The following COL27A1 variants were observed in gnomAD, a reference collection of about 807,000 sequenced individuals.
COL27A1 encodes the protein collagen type XXVII alpha 1 chain.
A neutral mutation model predicts 251.3 loss-of-function variants in COL27A1; 106 were observed. The observed-to-expected ratio is 0.42, with a 90% CI of 0.36 to 0.50. The LOEUF is 0.50. Among genes scored for constraint, COL27A1 ranks in the 20% least tolerant of loss-of-function variants. The probability of loss-of-function intolerance (pLI) is 0.00; values close to 1 mark genes in which losing one functional copy is unlikely to be tolerated. For missense variants in COL27A1, 2,325 were observed against 2,522.8 expected, an observed-to-expected ratio of 0.92 and a Z score of 1.68; for synonymous variants, 1,000 against 986.3, an observed-to-expected ratio of 1.01 and a Z score of -0.26.
intron 3 of COL27A1, among the ~76,000 whole-genome samples, chr9:114,172,061 C>T (rs1009044974): frequency 1.4e-4 from 21 of 152,206 alleles, no homozygotes; most frequent in Admixed American, 2.6e-4. Flanking sequence ...CACCAACCTG[C>T]CCGGGTGACA....
At chr9:114,293,288 G>C (rs1828040064) in intron 49 of COL27A1, among the ~76,000 whole-genome samples, 1 of 152,136 alleles carries the variant, frequency 6.6e-6, no homozygotes, top group Non-Finnish European at 1.5e-5. Flanking sequence ...ATGTCTAAAT[G>C]ACCCATGGGT....
At chr9:114,191,048 C>T (rs994562098) in intron 5 of COL27A1, among the ~76,000 whole-genome samples, 1 of 152,220 alleles carries the variant, frequency 6.6e-6, no homozygotes, top group African/African-American at 2.4e-5. Flanking sequence ...GCCGCCACTT[C>T]ATCTGGTTCC....
intron 14 of COL27A1, among the ~76,000 whole-genome samples, chr9:114,224,456 C>T (rs1831328941): frequency 6.6e-6 from 1 of 152,078 alleles, no homozygotes; most frequent in Non-Finnish European, 1.5e-5. Context: ...CTTCTTCAGG[C>T]TAAACAATTC....
chr9:114,207,225 G>A (rs12339755), intron 10 of COL27A1, among the ~76,000 whole-genome samples: 1 of 152,234 alleles, frequency 6.6e-6, no homozygotes, highest in Non-Finnish European at 1.5e-5. Flanking sequence ...GCAGGAGGGA[G>A]AGGACAGAAC....
intron 19 of COL27A1, among the ~76,000 whole-genome samples, chr9:114,239,581 G>A (rs1832617355): frequency 6.6e-6 from 1 of 152,162 alleles, no homozygotes; most frequent in Admixed American, 6.5e-5. Context: ...GGAGGAGCAC[G>A]AGGATATTGC....
rs1484138524 is a variant in COL27A1, at chr9:114,219,814, AAG to A, written c.2394_2395del (p.Gly799ProfsTer25). Reference sequence around the variant, plus strand: ...AGGGGTTTCCTGGAGTCTTTGGGGAAAGAGGCCCTCCTGGACTGGATGGAAAT... The same window carrying A: ...AGGGGTTTCCTGGAGTCTTTGGGGAAAGGCCCTCCTGGACTGGATGGAAAT... ...MPGFPGVFGE[R>X]GPPGLDGNPG... On this transcript the variant is annotated frameshift_variant, in exon 13 of 61. Coordinates refer to ENST00000356083, the MANE Select transcript of COL27A1 (RefSeq NM_032888.4). LOFTEE classifies it high-confidence loss of function. The A allele has an allele frequency of 6.2e-7, 1 of 1,611,564 alleles. No individual in the cohort carries two copies. Among genetic ancestry groups the A allele is most frequent in the Non-Finnish European group, 8.5e-7 (1 of 1,177,878 alleles).
At chr9:114,198,672 A>C (rs116253386) in intron 7 of COL27A1, among the ~76,000 whole-genome samples, 3 of 152,078 alleles carry the variant, frequency 2.0e-5, no homozygotes, top group Non-Finnish European at 4.4e-5. Context: ...CAAACAAGAC[A>C]GTGTCCATCT....
At chr9:114,308,205 T>A (rs2131694557) in intron 59 of COL27A1, among the ~76,000 whole-genome samples, 1 of 152,290 alleles carries the variant, frequency 6.6e-6, no homozygotes, top group Non-Finnish European at 1.5e-5. Flanking sequence ...TGTTTCTGGG[T>A]TGAGCATTTT....
chr9:114,231,892 C>T, intron 16 of COL27A1, 26 bp downstream of exon 16: 1 of 1,611,768 alleles, frequency 6.2e-7, no homozygotes, highest in Non-Finnish European at 8.5e-7. Flanking sequence ...CCTTATTGCA[C>T]TGTGGTTTCT....
intron 14 of COL27A1, among the ~76,000 whole-genome samples, chr9:114,225,931 T>TA (rs1831441289): frequency 6.6e-6 from 1 of 152,100 alleles, no homozygotes; most frequent in Non-Finnish European, 1.5e-5. Flanking sequence ...GGTCACCAGT[T>TA]AGAGAGTGGA....
At chr9:114,241,197 C>G (rs554172409) in intron 21 of COL27A1, among the ~76,000 whole-genome samples, 1 of 152,262 alleles carries the variant, frequency 6.6e-6, no homozygotes, top group Admixed American at 6.5e-5. Flanking sequence ...GCCCTGTGCA[C>G]GAGGCCATTC....
In COL27A1 at chr9:114,168,969, G is replaced by A. The variant is rs376353923; in HGVS notation, c.1414G>A (p.Ala472Thr). 16 of 1,613,916 alleles carry A rather than the reference G, an allele frequency of 9.9e-6. No individual in the cohort carries two copies. In the African/African-American group the frequency reaches 1.3e-4, roughly 13 times the overall value. ...GATAACCAGCCATGCCAGTAAGCCG[G>A]CCTCTGCCCGCACCAGCACCCACAA... ...AKITSHASKP[A>T]SARTSTHKPP... is the part of the protein sequence containing the mutation. Residue 472 changes from alanine (A) to threonine (T), a missense_variant, in exon 3 of 61, where the codon GCC becomes ACC. Ala to Thr is a moderately conservative substitution (Grantham distance 58). Transcript: ENST00000356083.
chr9:114,280,883 C>G (rs777092659), intron 37 of COL27A1, among the ~76,000 whole-genome samples: 1 of 152,212 alleles, frequency 6.6e-6, no homozygotes, highest in Non-Finnish European at 1.5e-5. Flanking sequence ...CCAGCCGCCC[C>G]ATAATTTTCA....
At chr9:114,283,636 C>A (rs1255084193) in intron 39 of COL27A1, 73 bp from the exon 40 acceptor site, 2 of 1,413,148 alleles carry the variant, frequency 1.4e-6, no homozygotes, top group Admixed American at 1.7e-5. Flanking sequence ...GGGGCTGGAG[C>A]CTGCAGGGAG....
chr9:114,273,936 T>A (rs1267914034), intron 36 of COL27A1: 1 of 152,124 alleles, frequency 6.6e-6, no homozygotes. Context: ...ACTGATTGCT[T>A]CAAAACCATA....
At chr9:114,281,072 A>G (rs1249744) in intron 37 of COL27A1, among the ~76,000 whole-genome samples, 33,390 of 152,134 alleles carry the variant, frequency 0.22, 4,054 homozygotes, top group East Asian at 0.35. Flanking sequence ...TACAATACCT[A>G]TTCCCAAATG....
intron 34 of COL27A1, 94 bp from the exon 35 acceptor site, chr9:114,269,147 A>T: frequency 1.3e-6 from 1 of 775,822 alleles, no homozygotes. Flanking sequence ...CTCCTCCCAC[A>T]CCCCAAAGTC....
intron 14 of COL27A1, among the ~76,000 whole-genome samples, chr9:114,227,371 TCAGA>T (rs1831551511): frequency 7.7e-6 from 1 of 130,516 alleles, no homozygotes; most frequent in Non-Finnish European, 1.6e-5. Flanking sequence ...GACTGTGGGG[TCAGA>T]CAGACAGACA....
At chr9:114,214,483 C>T (rs1830584125) in intron 12 of COL27A1, among the ~76,000 whole-genome samples, 1 of 152,194 alleles carries the variant, frequency 6.6e-6, no homozygotes, top group Non-Finnish European at 1.5e-5. Context: ...GAGTCTTTTA[C>T]TAACGGGAGC....
Sources: gnomAD v4.1 joint callset for allele counts (sites outside exome capture counted in the v4.1 genomes callset) on GRCh38, gnomAD v4.1.1 for gene constraint, MANE v1.5 for transcripts, NCBI Gene and HGNC (gene_info 2026-07-23, HGNC 2026-07-21) for gene names.